RAD18: variants seen among roughly 807,000 people sequenced by gnomAD.
RAD18 encodes E3 ubiquitin-protein ligase RAD18.
Under a neutral mutation model 60.4 loss-of-function variants are expected in RAD18, and 47 were observed. That is an observed-to-expected ratio of 0.78 (90% CI 0.62 to 0.99). RAD18 has a LOEUF of 0.99. Ranked by LOEUF, RAD18 falls within the 50% of genes least tolerant of loss-of-function variation. The pLI, the probability that RAD18 is intolerant of heterozygous loss-of-function variation, is 0.00. For synonymous variants in RAD18, 225 were observed against 195.5 expected (o/e 1.15, Z -1.26); for missense variants, 640 against 593.3 (o/e 1.08, Z -0.82).
intron 1 of RAD18, among the ~76,000 whole-genome samples, chr3:8,962,260 T>G (rs747985221): frequency 6.6e-6 from 1 of 152,082 alleles, no homozygotes; most frequent in African/African-American, 2.4e-5. Flanking sequence ...AGACAGGAGA[T>G]TTCACCCAGG....
chr3:8,951,580 T>C (rs1020573341), intron 2 of RAD18, among the ~76,000 whole-genome samples: 5 of 152,218 alleles, frequency 3.3e-5, no homozygotes, highest in African/African-American at 1.2e-4. Context: ...TATGTGAAAC[T>C]GTAATAAAAA....
chr3:8,941,854 C>A (rs2124830398), intron 4 of RAD18, 50 bp from the exon 5 acceptor site: 1 of 1,455,496 alleles, frequency 6.9e-7, no homozygotes, highest in Non-Finnish European at 9.4e-7. Flanking sequence ...AATTTTACAT[C>A]ATAAATTAAC....
rs572561895 is a variant in RAD18 at position 8,960,198 on chromosome 3, T to G, written c.52-1197A>C. On this transcript the variant is annotated intron_variant, in intron 1 of 12. Transcript: ENST00000264926. ...GGCGCATGCCTGTAGTCCCAGCTAC[T>G]CAGGAGGCTGAGGCGGAAGGATTGC... 3.3e-5 allele frequency among the ~76,000 whole-genome samples: 5 copies of G among 152,272 alleles called. No homozygotes were observed. The East Asian group carries it at 9.7e-4, about 29-fold the overall frequency.
chr3:8,895,651 T>C (rs1300023800), intron 11 of RAD18, among the ~76,000 whole-genome samples: 8 of 152,194 alleles, frequency 5.3e-5, no homozygotes, highest in Admixed American at 5.2e-4. Context: ...TTTTTTTGTT[T>C]GTTTGTTTAA....
chr3:8,956,010 GAACAAT>G (rs749841143), intron 2 of RAD18, among the ~76,000 whole-genome samples: 3 of 152,056 alleles, frequency 2.0e-5, no homozygotes, highest in South Asian at 2.1e-4. Context: ...AAGAGATTAG[GAACAAT>G]AACAATAACA....
chr3:8,908,266 T>C (rs552851379), intron 9 of RAD18, among the ~76,000 whole-genome samples: 3 of 140,892 alleles, frequency 2.1e-5, no homozygotes, highest in East Asian at 2.0e-4. Flanking sequence ...AACTATTCAC[T>C]TTAAGCATTT....
chr3:8,882,248 G>GCCT (rs1939477797), intron 12 of RAD18, among the ~76,000 whole-genome samples: 1 of 152,212 alleles, frequency 6.6e-6, no homozygotes, highest in African/African-American at 2.4e-5. Flanking sequence ...AAGACCTATG[G>GCCT]CCTCTGGGGA....
At chr3:8,886,951 A>C (rs981830735) in intron 12 of RAD18, among the ~76,000 whole-genome samples, 45 of 152,072 alleles carry the variant, frequency 3.0e-4, no homozygotes, top group Admixed American at 2.9e-3. Context: ...GAGCTACTTT[A>C]AAGTCTAAGG....
chr3:8,945,625 C>T (rs1440280810), intron 4 of RAD18, among the ~76,000 whole-genome samples: 2 of 151,848 alleles, frequency 1.3e-5, no homozygotes, highest in Non-Finnish European at 2.9e-5. Context: ...GTGTGTGCCA[C>T]CATGCCCAGC....
intron 7 of RAD18, among the ~76,000 whole-genome samples, chr3:8,926,732 C>T (rs980609447): frequency 6.6e-6 from 1 of 152,096 alleles, no homozygotes; most frequent in African/African-American, 2.4e-5. Flanking sequence ...TGGAACAGAA[C>T]AGAGCCCTCA....
intron 2 of RAD18, among the ~76,000 whole-genome samples, chr3:8,954,771 T>G (rs189600292): frequency 6.6e-6 from 1 of 152,322 alleles, no homozygotes; most frequent in African/African-American, 2.4e-5. Context: ...GGATCACCAA[T>G]TCTAGTCAAT....
At chr3:8,946,187 A>G (rs187050765) in intron 4 of RAD18, among the ~76,000 whole-genome samples, 1 of 152,242 alleles carries the variant, frequency 6.6e-6, no homozygotes, top group Non-Finnish European at 1.5e-5. Context: ...TTTATACCAT[A>G]TTTTCCCTGT....
intron 1 of RAD18, among the ~76,000 whole-genome samples, chr3:8,960,876 A>G (rs1347842827): frequency 1.3e-5 from 2 of 152,138 alleles, no homozygotes; most frequent in Admixed American, 1.3e-4. Context: ...CTGAATTTTA[A>G]TTTTTTTCTA....
intron 4 of RAD18, among the ~76,000 whole-genome samples, chr3:8,945,628 T>C (rs1240347979): frequency 4.6e-5 from 7 of 151,850 alleles, no homozygotes; most frequent in Non-Finnish European, 8.8e-5. Flanking sequence ...TGTGCCACCA[T>C]GCCCAGCTAA....
At chr3:8,923,255 T>C (rs1940363054) in intron 7 of RAD18, among the ~76,000 whole-genome samples, 1 of 152,108 alleles carries the variant, frequency 6.6e-6, no homozygotes, top group Non-Finnish European at 1.5e-5. Flanking sequence ...GCACAAAAAC[T>C]ACGTGACGAA....
In RAD18 at chr3:8,879,776, G is replaced by A. The variant is rs1332939939; in HGVS notation, c.*1581C>T. 6.6e-6 allele frequency: 1 copy of A among 152,228 alleles called. No individual in the cohort carries two copies. Among genetic ancestry groups the A allele is most frequent in the African/African-American group, 2.4e-5 (1 of 41,460 alleles). 9.4% of individuals were successfully genotyped at this position (152,228 alleles called of 1,614,324 possible). A position where few individuals can be genotyped will look rare whatever the true frequency, so the allele number is the denominator to read the frequency against. On this transcript the variant is annotated 3_prime_UTR_variant, in exon 13 of 13. Coordinates refer to ENST00000264926, the MANE Select transcript of RAD18 (RefSeq NM_020165.4). The stretch of plus-strand genomic sequence containing the variant: ...TATTCCCAGTGTCAGCACAGTGACA[G>A]ACATAGATAACCAAATATTTGCTGA...
chr3:8,896,095 C>A (rs1207414768), intron 11 of RAD18, among the ~76,000 whole-genome samples: 5 of 152,350 alleles, frequency 3.3e-5, no homozygotes, highest in Non-Finnish European at 4.4e-5. Context: ...CCAAGCCCAT[C>A]TGGGCATGCT....
At chr3:8,942,705 G>C (rs748361153) in intron 4 of RAD18, among the ~76,000 whole-genome samples, 3 of 152,178 alleles carry the variant, frequency 2.0e-5, no homozygotes, top group Non-Finnish European at 2.9e-5. Flanking sequence ...AGAGATCAGA[G>C]TTCTGAACAA....
At position 8,939,582 on chromosome 3, in the gene RAD18, G is replaced by C; in HGVS notation, c.676C>G (p.Arg226Gly). The stretch of plus-strand genomic sequence containing the variant: ...CTGAGGCTTTCCTTCTTCTCTTCGC[G>C]TGATAAACAGCTGTCTAAATGCTTA... ...INKHLDSCLS[R>G]EEKKESLRSS... Residue 226 changes from arginine to glycine, a missense_variant, in exon 6 of 13, where the codon CGC (arginine) becomes GGC (glycine). Coordinates refer to ENST00000264926, the MANE Select transcript of RAD18 (RefSeq NM_020165.4). 1 of 1,612,748 alleles carries C rather than the reference G, an allele frequency of 6.2e-7. No individual in the cohort carries two copies. Among genetic ancestry groups the C allele is most frequent in the African/African-American group, 1.3e-5 (1 of 74,946 alleles).
Sources: allele counts gnomAD v4.1 joint callset (sites outside exome capture counted in the v4.1 genomes callset), GRCh38; gene constraint gnomAD v4.1.1; transcripts MANE v1.5; gene names NCBI Gene and HGNC (gene_info 2026-07-23, HGNC 2026-07-21).